The following MAPK3 variants were observed in gnomAD, a reference collection of about 807,000 sequenced individuals.
The protein encoded by MAPK3 is MAPK 1.
A neutral mutation model predicts 41.8 loss-of-function variants in MAPK3; 30 were observed. The ratio of observed to expected loss-of-function variants is 0.72; its 90% CI spans 0.54 to 0.97. The LOEUF is 0.97. Ranked by LOEUF, MAPK3 falls within the 50% of genes least tolerant of loss-of-function variation. MAPK3 has a pLI of 0.00. For missense variants in MAPK3, 413 were observed against 509.9 expected (o/e 0.81, Z 1.83); for synonymous variants, 222 against 213.4 (o/e 1.04, Z -0.35).
chr16:30,116,779 C>A lies in MAPK3; in HGVS notation c.1029G>T (p.Glu343Asp), dbSNP rs1182054221. Residue 343 changes from glutamate (E) to aspartate (D), a missense_variant, in exon 8 of 9, where the codon GAG becomes GAT. Glu to Asp is a conservative substitution (Grantham distance 45). Around this residue, in one of 4 missense-constraint regions of MAPK3, gnomAD observed 123 missense variants for 147.8 expected, o/e 0.83. Coordinates refer to ENST00000263025, the MANE Select transcript of MAPK3 (RefSeq NM_002746.3). ...GCTCCATGGCGAAGGTGAAGGGCTC[C>A]TCGGCCACTGGCTGGGGTGGTAGAG... ...YYDPTDEPVA[E>D]EPFTFAMELD... 6.2e-7 allele frequency: 1 copy of A among 1,613,804 alleles called. No homozygotes were observed. The highest frequency in any genetic ancestry group is 8.5e-7 in the Non-Finnish European group (1 of 1,179,980).
chr16:30,121,277 T>A (rs1288332076), intron 2 of MAPK3, among the ~76,000 whole-genome samples: 1 of 151,784 alleles, frequency 6.6e-6, no homozygotes, highest in Non-Finnish European at 1.5e-5. Context: ...CCCCGCTAAT[T>A]TTTTTGTATT....
At chr16:30,120,110 C>T (rs1223891911) in intron 2 of MAPK3, among the ~76,000 whole-genome samples, 12 of 151,980 alleles carry the variant, frequency 7.9e-5, no homozygotes, top group Non-Finnish European at 1.6e-4. Flanking sequence ...TGGAGGTTGC[C>T]GTGAGCTGAG....
intron 1 of MAPK3, 148 bp downstream of exon 1, chr16:30,122,892 C>A (rs1278443036): frequency 4.2e-6 from 3 of 710,608 alleles, no homozygotes; most frequent in Non-Finnish European, 6.2e-6. Context: ...GGGGCCCCCT[C>A]CCTGGGACGC....
intron 2 of MAPK3, among the ~76,000 whole-genome samples, chr16:30,121,263 C>T (rs1170513117): frequency 6.6e-6 from 1 of 152,050 alleles, no homozygotes; most frequent in Non-Finnish European, 1.5e-5. Flanking sequence ...CTTGCACCAC[C>T]ATGCCCCGCT....
At position 30,117,184 on chromosome 16, in the gene MAPK3, C is replaced by A; in HGVS notation, c.877G>T (p.Ala293Ser). Residue 293 changes from alanine (A) to serine (S), a missense_variant, in exon 6 of 9, where the codon GCC (alanine) becomes TCC (serine). This residue lies in a region of MAPK3 where 123 missense variants were observed against 147.8 expected (regional missense o/e 0.83). Transcript: ENST00000263025. ...GAGTCTGACTTGGGGAAAAGCTTGGCCCAAGCCACCTTGGTCTTGGAGGGC... is the reference window on the plus strand; with the variant it reads ...GAGTCTGACTTGGGGAAAAGCTTGGACCAAGCCACCTTGGTCTTGGAGGGC... ...SLPSKTKVAW[A>S]KLFPKSDSKA... is the part of the protein sequence containing the mutation. 6.2e-7 allele frequency: 1 copy of A among 1,614,134 alleles called. No homozygotes were observed. Among genetic ancestry groups the A allele is most frequent in the Non-Finnish European group, 8.5e-7 (1 of 1,180,018 alleles).
chr16:30,121,815 G>T lies in MAPK3; in HGVS notation c.353+9C>A. On this transcript the variant is annotated intron_variant, in intron 2 of 8. Coordinates refer to ENST00000263025, the MANE Select transcript of MAPK3 (RefSeq NM_002746.3). ...GCCTGACCAGCCGACTGGCCAAGGT[G>T]AAGGATACACATCTCTCATGGCTTC... 3 of 1,612,836 alleles carry T rather than the reference G, an allele frequency of 1.9e-6. No individual in the cohort carries two copies. Among genetic ancestry groups the T allele is most frequent in the South Asian group, 1.1e-5 (1 of 91,032 alleles).
rs374387900 is a variant in MAPK3 at position 30,122,014 on chromosome 16, G to C, written c.171-8C>G. 4 of 1,613,694 alleles carry C rather than the reference G, an allele frequency of 2.5e-6. No homozygotes were observed. Among genetic ancestry groups the C allele is most frequent in the Non-Finnish European group, 2.5e-6 (3 of 1,180,008 alleles). On this transcript the variant is annotated splice_region_variant and splice_polypyrimidine_tract_variant and intron_variant, in intron 1 of 8. Coordinates refer to ENST00000263025, the MANE Select transcript of MAPK3 (RefSeq NM_002746.3). The stretch of plus-strand genomic sequence containing the variant: ...ACGTGGTCATAGGCCGAGCTGAGGG[G>C]ACCGGAGAGAGGCTGCTGCTGTGGC...
chr16:30,116,498 G>C, intron 8 of MAPK3, 138 bp downstream of exon 8: 1 of 1,002,334 alleles, frequency 1.0e-6, no homozygotes, highest in South Asian at 1.6e-5. Flanking sequence ...CACTTCTGTT[G>C]TCACCAGACA....
At chr16:30,118,005 G>C (rs2072975642) in intron 4 of MAPK3, 42 bp downstream of exon 4, 1 of 1,564,970 alleles carries the variant, frequency 6.4e-7, no homozygotes, top group African/African-American at 1.4e-5. Context: ...GGGCTTCCTG[G>C]GAACTGGTCC....
chr16:30,118,096 T>C lies in MAPK3; in HGVS notation c.611A>G (p.Tyr204Cys). The change falls in exon 4 of 9, where the codon TAT becomes TGT. Residue 204 changes from tyrosine (Y) to cysteine (C), a missense_variant. Tyr to Cys is a radical substitution (Grantham distance 194). This residue lies in a region of MAPK3 where 140 missense variants were observed against 206.0 expected (regional missense o/e 0.68). Coordinates refer to ENST00000263025, the MANE Select transcript of MAPK3 (RefSeq NM_002746.3). ...GGCCCGGTACCAGCGCGTAGCCACA[T>C]ACTCCGTCAGGAAGCCGGTGTGGTC... ...EHDHTGFLTE[Y>C]VATRWYRAPE... 6.2e-7 allele frequency: 1 copy of C among 1,614,098 alleles called. No individual in the cohort carries two copies. The highest frequency in any genetic ancestry group is 8.5e-7 in the Non-Finnish European group (1 of 1,180,012).
At chr16:30,121,722 T>G in intron 2 of MAPK3, 102 bp downstream of exon 2, 1 of 1,229,866 alleles carries the variant, frequency 8.1e-7, no homozygotes, top group Non-Finnish European at 1.1e-6. Context: ...TGGGTTTGTT[T>G]TGGAGGGTGG....
At chr16:30,115,756 ATTTTTTTT>A in intron 8 of MAPK3, 1 of 134,464 alleles carries the variant, frequency 7.4e-6, no homozygotes, top group East Asian at 2.1e-4. Context: ...AGCCTTGGGC[ATTTTTTTT>A]TTTTTTTTTG....
In MAPK3 at chr16:30,121,439, C is replaced by T. The variant is rs9921806; in HGVS notation, c.353+385G>A. ...GTTTTCTTTCTCCCTGTCTCCCTTCCGGTCTGGGCAAGGAGGAAAGAGAGG... is the reference window on the plus strand; with the variant it reads ...GTTTTCTTTCTCCCTGTCTCCCTTCTGGTCTGGGCAAGGAGGAAAGAGAGG... On this transcript the variant is annotated intron_variant, in intron 2 of 8. Transcript: ENST00000263025. 0.011 allele frequency among the ~76,000 whole-genome samples: 1,670 copies of T among 152,252 alleles called. 107 individuals carry two copies. In the East Asian group the frequency reaches 0.18, roughly 17 times the overall value.
chr16:30,122,073 AC>A, intron 1 of MAPK3, 67 bp from the exon 2 acceptor site: 1 of 1,506,266 alleles, frequency 6.6e-7, no homozygotes, highest in Non-Finnish European at 9.2e-7. Context: ...TGGTGGCCCC[AC>A]CCAGGCCTTG....
Position 30,118,086 on chromosome 16 carries a change from C to T in MAPK3, c.621G>A (p.Thr207=), listed in dbSNP as rs762284406. The T allele has an allele frequency of 3.9e-5, 63 of 1,614,008 alleles. No homozygotes were observed. The highest frequency in any genetic ancestry group is 2.7e-4 in the Admixed American group (16 of 59,988). Residue 207 remains threonine (T), a synonymous_variant, in exon 4 of 9, where the codon ACG becomes ACA. Transcript: ENST00000263025. ...HTGFLTEYVA[T]RWYRAPEIML... ...TGATCTCTGGGGCCCGGTACCAGCG[C>T]GTAGCCACATACTCCGTCAGGAAGC...
chr16:30,119,611 T>C (rs1240178001), intron 2 of MAPK3, among the ~76,000 whole-genome samples: 6 of 152,112 alleles, frequency 3.9e-5, no homozygotes, highest in Non-Finnish European at 8.8e-5. Context: ...AGATAATGTA[T>C]GAACACCATC....
At chr16:30,117,866 T>G in intron 4 of MAPK3, 82 bp from the exon 5 acceptor site, 5 of 1,222,782 alleles carry the variant, frequency 4.1e-6, no homozygotes, top group Non-Finnish European at 4.8e-6. Context: ...CACCTCCAAG[T>G]TAGATCCAAC....
At chr16:30,121,089 C>T (rs578211918) in intron 2 of MAPK3, among the ~76,000 whole-genome samples, 1 of 151,746 alleles carries the variant, frequency 6.6e-6, no homozygotes, top group East Asian at 2.0e-4. Flanking sequence ...ACACAGCAGG[C>T]CCTCAAGAAA....
chr16:30,115,226 CAA>C (rs1378665850), intron 8 of MAPK3, among the ~76,000 whole-genome samples: 1 of 151,756 alleles, frequency 6.6e-6, no homozygotes, highest in Non-Finnish European at 1.5e-5. Context: ...CTCAAAAAAA[CAA>C]AACCAAAAAA....
Sources: gnomAD v4.1 joint callset for allele counts (sites outside exome capture counted in the v4.1 genomes callset) on GRCh38, gnomAD v4.1.1 for gene constraint, gnomAD v4.1.1 regional missense constraint, MANE v1.5 for transcripts, NCBI Gene and HGNC (gene_info 2026-07-23, HGNC 2026-07-21) for gene names.